Variants in TRPC1 observed in about 807,000 individuals in gnomAD.
TRPC1 encodes short transient receptor potential channel 1.
A neutral mutation model predicts 88.2 loss-of-function variants in TRPC1; 42 were observed. That is an observed-to-expected ratio of 0.48 (90% CI 0.37 to 0.62). The LOEUF (loss-of-function observed/expected upper bound fraction) is 0.62. TRPC1 is among the 20% of genes least tolerant of loss of function. TRPC1 has a pLI of 0.00. For missense variants in TRPC1, 699 were observed against 957.3 expected (o/e 0.73, Z 3.56); for synonymous variants, 288 against 331.8 (o/e 0.87, Z 1.43).
At chr3:142,775,860 A>G (rs1935751502) in intron 4 of TRPC1, among the ~76,000 whole-genome samples, 1 of 152,236 alleles carries the variant, frequency 6.6e-6, no homozygotes, top group South Asian at 2.1e-4. Context: ...TTAGATTGAA[A>G]TAGTAATACC....
chr3:142,792,918 T>C lies in TRPC1; in HGVS notation c.1532T>C (p.Leu511Pro). Residue 511 changes from leucine to proline, a missense_variant, in exon 9 of 13, where the codon CTT (leucine) becomes CCT (proline). Leu to Pro is a moderately conservative substitution (Grantham distance 98, BLOSUM62 -3). Around this residue, in one of 4 missense-constraint regions of TRPC1, gnomAD observed 426 missense variants for 641.3 expected, o/e 0.66. Transcript: ENST00000476941. This position sits in a 1 kb window ranked among gnomAD's most constrained non-coding sequence, Gnocchi z 4.0. ...GCATTTGCAAATGTTCTAAGTTATC[T>C]TCGTCTCTTTTTTATGTATACAACC... ...LFAFANVLSY[L>P]RLFFMYTTSS... The C allele has an allele frequency of 6.2e-7, 1 of 1,610,696 alleles. No individual in the cohort carries two copies. The highest frequency in any genetic ancestry group is 8.5e-7 in the Non-Finnish European group (1 of 1,178,024).
intron 9 of TRPC1, among the ~76,000 whole-genome samples, chr3:142,796,993 G>A (rs1177788329): frequency 6.6e-6 from 1 of 152,038 alleles, no homozygotes; most frequent in Admixed American, 6.6e-5. Flanking sequence ...ACATAAAGTC[G>A]AGTGGACCTG....
At chr3:142,799,333 C>G (rs1359452731) in intron 9 of TRPC1, among the ~76,000 whole-genome samples, 1 of 152,144 alleles carries the variant, frequency 6.6e-6, no homozygotes, top group Non-Finnish European at 1.5e-5. Flanking sequence ...TTTGAGAAAG[C>G]ATTATTACTT....
Position 142,792,226 on chromosome 3 carries a change from G to A in TRPC1, c.1438-598G>A, listed in dbSNP as rs1001810705. 7.2e-5 allele frequency among the ~76,000 whole-genome samples: 11 copies of A among 151,898 alleles called. No individual in the cohort carries two copies. The highest frequency in any genetic ancestry group is 3.3e-4 in the Admixed American group (5 of 15,236). ...TTGCTTTTTCAGATTGATCTCTTTC[G>A]TTCTATAAGTGGAGTACCCATATAA... On this transcript the variant is annotated intron_variant, in intron 8 of 12. Transcript: ENST00000476941. The surrounding 1 kb of genome is among the most constrained non-coding windows in gnomAD (Gnocchi z 4.0).
At chr3:142,779,907 G>T (rs1355575390) in intron 5 of TRPC1, among the ~76,000 whole-genome samples, 1 of 148,380 alleles carries the variant, frequency 6.7e-6, no homozygotes, top group Non-Finnish European at 1.5e-5. Flanking sequence ...GAGGGCAGTG[G>T]CACCATTTTG....
chr3:142,793,975 C>A, intron 9 of TRPC1: 1 of 821,828 alleles, frequency 1.2e-6, no homozygotes, highest in Non-Finnish European at 1.5e-6. Context: ...GTTTGGGACA[C>A]ACTGTATACT....
At chr3:142,726,846 T>C (rs62278494) in intron 1 of TRPC1, among the ~76,000 whole-genome samples, 25,468 of 152,218 alleles carry the variant, frequency 0.17, 2,308 homozygotes, top group Middle Eastern at 0.25. Flanking sequence ...AAAGCAGCTA[T>C]TGGGGTCGAG....
At chr3:142,755,149 G>A (rs994753703) in intron 4 of TRPC1, among the ~76,000 whole-genome samples, 5 of 152,138 alleles carry the variant, frequency 3.3e-5, no homozygotes, top group African/African-American at 7.2e-5. Flanking sequence ...CTTGCTGGGC[G>A]CAGTGGCTCA....
At chr3:142,779,355 C>T (rs1307004966) in intron 5 of TRPC1, among the ~76,000 whole-genome samples, 1 of 152,072 alleles carries the variant, frequency 6.6e-6, no homozygotes, top group East Asian at 1.9e-4. Flanking sequence ...ACTATACAGC[C>T]ACTTATTTGT....
At chr3:142,794,125 T>C (rs61326325) in intron 9 of TRPC1, among the ~76,000 whole-genome samples, 10,672 of 152,240 alleles carry the variant, frequency 0.07, 1,222 homozygotes, top group African/African-American at 0.24. Context: ...TGCAAGTCTC[T>C]GTATTTTTCC....
chr3:142,754,303 CTTTA>C (rs979450582), intron 4 of TRPC1, among the ~76,000 whole-genome samples: 4 of 151,792 alleles, frequency 2.6e-5, no homozygotes, highest in Non-Finnish European at 5.9e-5. Context: ...AAGAAGGAGT[CTTTA>C]TTTATTATCT....
chr3:142,785,184 A>T (rs1936092514), intron 7 of TRPC1, 144 bp downstream of exon 7: 1 of 632,570 alleles, frequency 1.6e-6, no homozygotes, highest in South Asian at 2.3e-5. Context: ...ATGATCACTG[A>T]AGACTTAACT....
chr3:142,804,250 CAAAGATTA>C, intron 11 of TRPC1, 72 bp downstream of exon 11: 2 of 1,389,660 alleles, frequency 1.4e-6, no homozygotes, highest in African/African-American at 1.4e-5. Flanking sequence ...ATAAGATAGC[CAAAGATTA>C]TAAGATTATA....
At chr3:142,793,884 C>T (rs1229596493) in intron 9 of TRPC1, 1 of 985,174 alleles carries the variant, frequency 1.0e-6, no homozygotes, top group Non-Finnish European at 1.2e-6. Context: ...TTTGATTAGG[C>T]TTGTGCTGTC....
intron 9 of TRPC1, among the ~76,000 whole-genome samples, chr3:142,797,229 A>T (rs1322691259): frequency 6.6e-6 from 1 of 151,682 alleles, no homozygotes; most frequent in Non-Finnish European, 1.5e-5. Context: ...TCAAATATTA[A>T]TCCCTTTTCT....
intron 7 of TRPC1, among the ~76,000 whole-genome samples, chr3:142,789,265 T>C (rs1188576595): frequency 6.6e-6 from 1 of 152,104 alleles, no homozygotes; most frequent in African/African-American, 2.4e-5. Flanking sequence ...TAGGTGAAGG[T>C]TGAACATGAG....
chr3:142,764,653 A>T (rs1314356232), intron 4 of TRPC1, among the ~76,000 whole-genome samples: 1 of 151,508 alleles, frequency 6.6e-6, no homozygotes, highest in African/African-American at 2.4e-5. Context: ...GGGCTTCTTT[A>T]TATGTTATTT....
chr3:142,762,247 G>T (rs920180656), intron 4 of TRPC1, among the ~76,000 whole-genome samples: 5 of 151,616 alleles, frequency 3.3e-5, no homozygotes, highest in African/African-American at 1.2e-4. Context: ...TGTTGCCCAG[G>T]CTGGTCTTGA....
intron 4 of TRPC1, among the ~76,000 whole-genome samples, chr3:142,759,608 C>T (rs1015880866): frequency 1.3e-5 from 2 of 152,104 alleles, no homozygotes; most frequent in African/African-American, 4.8e-5. Context: ...AAAATTTTCT[C>T]CCATTCTGTA....
Sources: allele counts gnomAD v4.1 joint callset (sites outside exome capture counted in the v4.1 genomes callset), GRCh38; gene constraint gnomAD v4.1.1; regional missense constraint gnomAD v4.1.1; non-coding constraint Gnocchi (gnomAD v3.1); transcripts MANE v1.5; gene names NCBI Gene and HGNC (gene_info 2026-07-23, HGNC 2026-07-21).